The following OPHN1 variants were observed in gnomAD, a reference collection of about 807,000 sequenced individuals.
The protein encoded by OPHN1 is oligophrenin 1.
OPHN1 carries 11 observed loss-of-function variants against 60.7 expected under a neutral mutation model. That is an observed-to-expected ratio of 0.18 (90% confidence interval 0.11 to 0.30). The LOEUF (loss-of-function observed/expected upper bound fraction) is 0.30, where lower values mean the gene tolerates loss of function less well. Among genes scored for constraint, OPHN1 ranks in the 10% least tolerant of loss-of-function variants. OPHN1 has a pLI of 1.00. For missense variants in OPHN1, 449 were observed against 611.0 expected (o/e 0.73, Z 2.80); for synonymous variants, 226 against 222.6 (o/e 1.02, Z -0.14).
rs1052124801 is a variant in OPHN1 at position 68,046,978 on chromosome X, A to C, written c.*194T>G. ...TCTGAGGGGATGAAGACAGAATACA[A>C]AGGAGATATAAACACCTGTCTAGGA... On this transcript the variant is annotated 3_prime_UTR_variant, in exon 25 of 25. Coordinates refer to ENST00000355520, the MANE Select transcript of OPHN1 (RefSeq NM_002547.3). 6 of 111,795 alleles carry C rather than the reference A, an allele frequency of 5.4e-5. No homozygotes were observed. In the East Asian group the frequency reaches 1.7e-3, roughly 32 times the overall value. The allele number at this position is 111,795 out of a possible 1,213,427, so 9.2% of individuals were successfully genotyped here.
At chrX:68,149,773 A>G (rs1264349639) in intron 15 of OPHN1, among the ~76,000 whole-genome samples, 1 of 109,574 alleles carries the variant, frequency 9.1e-6, no homozygotes, top group African/African-American at 3.4e-5. Context: ...TTGTCATATG[A>G]TCCTGTAATT....
chrX:68,269,064 A>C (rs1260192576), intron 5 of OPHN1, among the ~76,000 whole-genome samples: 1 of 111,685 alleles, frequency 9.0e-6, no homozygotes, highest in Non-Finnish European at 1.9e-5. Flanking sequence ...AGAACTAGAA[A>C]CCACTGCTCA....
rs1173542561 is a variant in OPHN1 at position 68,341,968 on chromosome X, GTTTT to G, written c.155-42876_155-42873del. Among the ~76,000 whole-genome samples, 274 of 84,969 alleles carry G rather than the reference GTTTT, an allele frequency of 3.2e-3. 2 individuals are homozygous for G. Among genetic ancestry groups the G allele is most frequent in the African/African-American group, 0.012 (263 of 21,626 alleles). The allele number at this position is 84,969 out of a possible 115,157, so 73.8% of individuals were successfully genotyped here. On this transcript the variant is annotated intron_variant, in intron 2 of 24. Coordinates refer to ENST00000355520, the MANE Select transcript of OPHN1 (RefSeq NM_002547.3). ...TAATGAAAAAAAGTTAATTTTTGGT[GTTTT>G]TTTTTTTTTTTTTTTGAGACACAGT...
chrX:68,103,606 T>C (rs939937879), intron 18 of OPHN1, among the ~76,000 whole-genome samples: 16 of 46,422 alleles, frequency 3.4e-4, no homozygotes, highest in East Asian at 2.3e-3. Flanking sequence ...GAAAAGGCTT[T>C]TGATAAAATT....
At chrX:68,281,221 G>A in intron 4 of OPHN1, among the ~76,000 whole-genome samples, 1 of 112,054 alleles carries the variant, frequency 8.9e-6, no homozygotes. Context: ...TGAAAGAATA[G>A]ATAAATAGAT....
chrX:68,242,802 C>T (rs1441419371), intron 5 of OPHN1, among the ~76,000 whole-genome samples: 1 of 111,805 alleles, frequency 8.9e-6, no homozygotes, highest in African/African-American at 3.2e-5. Flanking sequence ...TATGCTAATT[C>T]AAATAGGTCA....
At chrX:68,372,159 G>T (rs1363522744) in intron 2 of OPHN1, among the ~76,000 whole-genome samples, 1 of 112,209 alleles carries the variant, frequency 8.9e-6, no homozygotes, top group African/African-American at 3.2e-5. Flanking sequence ...GCAATTCCAT[G>T]AAAATAGTAA....
chrX:68,420,939 G>A (rs897339447), intron 2 of OPHN1, among the ~76,000 whole-genome samples: 6 of 110,322 alleles, frequency 5.4e-5, no homozygotes. Context: ...CCGATTATTG[G>A]TTTCAGTACT....
At position 68,168,035 on chromosome X, in the gene OPHN1, A is replaced by G. The variant is rs755079650; in HGVS notation, c.1276+24884T>C. 3.6e-5 allele frequency among the ~76,000 whole-genome samples: 4 copies of G among 110,939 alleles called. No homozygotes were observed. The Admixed American group carries it at 3.9e-4, about 11-fold the overall frequency. ...TGAGATCTAAAACTCAAAACAACTG[A>G]AATCATGGACATAAAGAATAGAAGG... On this transcript the variant is annotated intron_variant, in intron 15 of 24. Transcript: ENST00000355520.
intron 15 of OPHN1, among the ~76,000 whole-genome samples, chrX:68,181,467 A>C (rs2077436312): frequency 9.0e-6 from 1 of 111,420 alleles, no homozygotes; most frequent in Non-Finnish European, 1.9e-5. Context: ...ATTTTAACTG[A>C]GCATTCTGTA....
At chrX:68,176,492 T>C (rs757191397) in intron 15 of OPHN1, among the ~76,000 whole-genome samples, 1 of 111,625 alleles carries the variant, frequency 9.0e-6, no homozygotes, top group Non-Finnish European at 1.9e-5. Flanking sequence ...CTCACACCCA[T>C]TAGAATGGCT....
chrX:68,119,613 T>C (rs1336880994), intron 15 of OPHN1, among the ~76,000 whole-genome samples: 1 of 111,810 alleles, frequency 8.9e-6, no homozygotes, highest in Non-Finnish European at 1.9e-5. Context: ...ATAGGGTAAA[T>C]GGCTGTCCCC....
chrX:68,337,796 C>CAAAAAA (rs757328395), intron 2 of OPHN1, among the ~76,000 whole-genome samples: 2 of 62,799 alleles, frequency 3.2e-5, no homozygotes, highest in Non-Finnish European at 6.7e-5. Flanking sequence ...CACTCCAAAC[C>CAAAAAA]AAAAAAAAAA....
chrX:68,234,091 C>CAAAA (rs33932284), intron 6 of OPHN1, among the ~76,000 whole-genome samples: 12 of 44,104 alleles, frequency 2.7e-4, no homozygotes, highest in Admixed American at 7.8e-4. Flanking sequence ...AACCCCTCAC[C>CAAAA]AAAAAAAAAA....
At chrX:68,303,417 C>T (rs1006663842) in intron 2 of OPHN1, among the ~76,000 whole-genome samples, 12 of 111,001 alleles carry the variant, frequency 1.1e-4, no homozygotes, top group Non-Finnish European at 1.9e-4. Context: ...GAGGCCAAGA[C>T]GGGTGGATCA....
At chrX:68,372,257 G>A (rs755565650) in intron 2 of OPHN1, among the ~76,000 whole-genome samples, 3 of 111,973 alleles carry the variant, frequency 2.7e-5, no homozygotes, top group Non-Finnish European at 3.8e-5. Flanking sequence ...CCATTCAACA[G>A]AGAAAGAAGA....
chrX:68,378,599 T>C (rs1229193654), intron 2 of OPHN1, among the ~76,000 whole-genome samples: 1 of 112,036 alleles, frequency 8.9e-6, no homozygotes, highest in Non-Finnish European at 1.9e-5. Flanking sequence ...CATCTTGAAT[T>C]AATTTTTGTA....
chrX:68,060,379 T>C (rs1403845059), intron 21 of OPHN1, among the ~76,000 whole-genome samples: 2 of 111,351 alleles, frequency 1.8e-5, no homozygotes, highest in South Asian at 7.7e-4. Context: ...CAAGTTGTTT[T>C]GTGTCTGTGA....
chrX:68,084,693 C>T (rs1723909150), intron 19 of OPHN1, among the ~76,000 whole-genome samples: 2 of 111,046 alleles, frequency 1.8e-5, no homozygotes, highest in African/African-American at 3.3e-5. Flanking sequence ...CTGACTTCTA[C>T]GATTTATAAT....
Sources: gnomAD v4.1 joint callset for allele counts (sites outside exome capture counted in the v4.1 genomes callset) on GRCh38, gnomAD v4.1.1 for gene constraint, MANE v1.5 for transcripts, NCBI Gene and HGNC (gene_info 2026-07-23, HGNC 2026-07-21) for gene names.